SMCO3: variants seen among roughly 807,000 people sequenced by gnomAD.
SMCO3 encodes the protein single-pass membrane protein with coiled-coil domains 3.
Under a neutral mutation model 12.0 loss-of-function variants are expected in SMCO3, and 6 were observed. That is an observed-to-expected ratio of 0.50 (90% CI 0.27 to 0.99). The LOEUF is 0.99. SMCO3 is among the 50% of genes least tolerant of loss of function. The probability of loss-of-function intolerance (pLI) is 0.11; values close to 1 mark genes in which losing one functional copy is unlikely to be tolerated. For missense variants in SMCO3, 279 were observed against 265.0 expected (o/e 1.05, Z -0.37); for synonymous variants, 96 against 96.4 (o/e 1.00, Z 0.02).
At chr12:14,807,344 T>A (rs1196650346) in intron 1 of SMCO3, among the ~76,000 whole-genome samples, 1 of 152,186 alleles carries the variant, frequency 6.6e-6, no homozygotes, top group Non-Finnish European at 1.5e-5. Flanking sequence ...AGACCCCAAT[T>A]TGAAATGCTT....
intron 1 of SMCO3, among the ~76,000 whole-genome samples, chr12:14,807,209 C>T (rs1950065372): frequency 6.6e-6 from 1 of 152,106 alleles, no homozygotes; most frequent in African/African-American, 2.4e-5. Flanking sequence ...AGAATACAAC[C>T]CTTTGATGGA....
At chr12:14,812,423 G>A (rs1173951999) in intron 1 of SMCO3, among the ~76,000 whole-genome samples, 2 of 151,830 alleles carry the variant, frequency 1.3e-5, no homozygotes, top group Non-Finnish European at 2.9e-5. Context: ...CGGCCTGGGT[G>A]ACAGAGGGAG....
In SMCO3 at chr12:14,806,631, T is replaced by C; in HGVS notation, c.50A>G (p.Glu17Gly). The C allele has an allele frequency of 6.2e-7, 1 of 1,611,482 alleles. No individual in the cohort carries two copies. Among genetic ancestry groups the C allele is most frequent in the Non-Finnish European group, 8.5e-7 (1 of 1,179,224 alleles). The change falls in exon 2 of 2, where the codon GAA becomes GGA. Residue 17 changes from glutamate (E) to glycine (G), a missense_variant. Transcript: ENST00000316048. Reference sequence around the variant, plus strand: ...AAGCTGCTGGTGAAGACGATTTACTTCTTCCCGCCTTTTTGGGTTCTCTGG... The same window carrying C: ...AAGCTGCTGGTGAAGACGATTTACTCCTTCCCGCCTTTTTGGGTTCTCTGG... ...LYPENPKRRE[E>G]VNRLHQQLLD...
At chr12:14,810,616 C>A (rs1219680770) in intron 1 of SMCO3, among the ~76,000 whole-genome samples, 1 of 152,108 alleles carries the variant, frequency 6.6e-6, no homozygotes, top group African/African-American at 2.4e-5. Context: ...TGGTATTTGA[C>A]TTGTGCAAAT....
At position 14,805,814 on chromosome 12, in the gene SMCO3, G is replaced by T; in HGVS notation, c.*189C>A. 1.5e-6 allele frequency: 1 copy of T among 651,792 alleles called. No individual in the cohort carries two copies. The highest frequency in any genetic ancestry group is 2.6e-6 in the Non-Finnish European group (1 of 390,750). 40.4% of individuals were successfully genotyped at this position (651,792 alleles called of 1,614,324 possible). A position where few individuals can be genotyped will look rare whatever the true frequency, so the allele number is the denominator to read the frequency against. On this transcript the variant is annotated 3_prime_UTR_variant, in exon 2 of 2. Transcript: ENST00000316048. ...TACCTCACAGGGTCTAGCATCAGCTGATCCAGGCATTGTTGACTCAAAACT... is the reference window on the plus strand; with the variant it reads ...TACCTCACAGGGTCTAGCATCAGCTTATCCAGGCATTGTTGACTCAAAACT...
Position 14,806,466 on chromosome 12 carries a change from G to A in SMCO3, c.215C>T (p.Ala72Val). The A allele has an allele frequency of 6.2e-7, 1 of 1,614,046 alleles. No homozygotes were observed. The part of the protein sequence containing the change: ...IKENCDLIIQ[A>V]IMKIQKELQK... ...CAATTCCTTTTGGATTTTCATAATG[G>A]CTTGGATGATGAGGTCACAGTTTTC... The change falls in exon 2 of 2, where the codon GCC (alanine) becomes GTC (valine). Residue 72 changes from alanine (A) to valine (V), a missense_variant. By Grantham distance (64) the Ala-to-Val change is moderately conservative (BLOSUM62 0). Transcript: ENST00000316048.
chr12:14,807,469 A>G (rs116976116), intron 1 of SMCO3, among the ~76,000 whole-genome samples: 2,627 of 152,252 alleles, frequency 0.017, 30 homozygotes, highest in Non-Finnish European at 0.025. Flanking sequence ...GGGCCAGATA[A>G]ATATTAACAT....
chr12:14,806,349 G>C lies in SMCO3; in HGVS notation c.332C>G (p.Ala111Gly). 1 of 1,614,210 alleles carries C rather than the reference G, an allele frequency of 6.2e-7. No individual in the cohort carries two copies. Among genetic ancestry groups the C allele is most frequent in the Non-Finnish European group, 8.5e-7 (1 of 1,180,036 alleles). ...DIKEKETDKIAIVQKVISVIL... is the reference protein window; with the variant it reads ...DIKEKETDKIGIVQKVISVIL... ...GACCGAAATAACCTTTTGCACTATTGCAATTTTGTCTGTTTCCTTTTCCTT... is the reference window on the plus strand; with the variant it reads ...GACCGAAATAACCTTTTGCACTATTCCAATTTTGTCTGTTTCCTTTTCCTT... The change falls in exon 2 of 2, where the codon GCA becomes GGA. Residue 111 changes from alanine to glycine, a missense_variant. Physicochemically the swap from Ala to Gly is moderately conservative, Grantham distance 60. Coordinates refer to ENST00000316048, the MANE Select transcript of SMCO3 (RefSeq NM_001013698.2).
rs1222030375 is a variant in SMCO3, at chr12:14,806,068, CTGATT to C, written c.608_612del (p.Lys203SerfsTer6). 6.2e-7 allele frequency: 1 copy of C among 1,614,118 alleles called. No individual in the cohort carries two copies. The highest frequency in any genetic ancestry group is 2.2e-5 in the East Asian group (1 of 44,880). ...ATGGCATGATTATATTTTTCTGAGG[CTGATT>C]TGAACTCCACCAGATGCTTCTCATA... On this transcript the variant is annotated frameshift_variant, in exon 2 of 2. Transcript: ENST00000316048. LOFTEE classifies it high-confidence loss of function.
chr12:14,811,570 C>T (rs1381258794), intron 1 of SMCO3, among the ~76,000 whole-genome samples: 1 of 152,312 alleles, frequency 6.6e-6, no homozygotes, highest in South Asian at 2.1e-4. Flanking sequence ...ATGCTTACTG[C>T]ACCTAACCTT....
In SMCO3 at chr12:14,806,288, G is replaced by A. The variant is rs1229811145; in HGVS notation, c.393C>T (p.Val131=). The A allele has an allele frequency of 3.1e-6, 5 of 1,614,052 alleles. No individual in the cohort carries two copies. Among genetic ancestry groups the A allele is most frequent in the African/African-American group, 2.7e-5 (2 of 74,908 alleles). Residue 131 remains valine (V), a synonymous_variant, in exon 2 of 2, where the codon GTC becomes GTT. Coordinates refer to ENST00000316048, the MANE Select transcript of SMCO3 (RefSeq NM_001013698.2). The part of the protein sequence containing the change: ...LGEATSAASA[V]AVKLVGSNVT... ...CATTTGAGCCCACAAGTTTAACAGC[G>A]ACTGCACTGGCTGCAGATGTAGCTT...
At chr12:14,808,246 C>T (rs1950083206) in intron 1 of SMCO3, among the ~76,000 whole-genome samples, 1 of 151,990 alleles carries the variant, frequency 6.6e-6, no homozygotes, top group African/African-American at 2.4e-5. Context: ...GTCCTTTTGG[C>T]CTACAGTACC....
chr12:14,806,598 C>T lies in SMCO3; in HGVS notation c.83G>A (p.Cys28Tyr), dbSNP rs1238144240. The T allele has an allele frequency of 9.3e-6, 15 of 1,614,030 alleles. No homozygotes were observed. The Admixed American group carries it at 1.2e-4, about 13-fold the overall frequency. The change falls in exon 2 of 2, where the codon TGC (cysteine) becomes TAC (tyrosine). Residue 28 changes from cysteine to tyrosine, a missense_variant. Coordinates refer to ENST00000316048, the MANE Select transcript of SMCO3 (RefSeq NM_001013698.2). ...VNRLHQQLLD[C>Y]LSDSFDVTNK... ...GGTGACATCGAAGCTGTCAGATAAG[C>T]AATCAAGAAGCTGCTGGTGAAGACG...
At chr12:14,811,019 T>G (rs2137264071) in intron 1 of SMCO3, among the ~76,000 whole-genome samples, 1 of 152,320 alleles carries the variant, frequency 6.6e-6, no homozygotes. Context: ...CCATTTTCAT[T>G]GATGACCTGT....
Position 14,806,475 on chromosome 12 carries a change from A to G in SMCO3, c.206T>C (p.Ile69Thr), listed in dbSNP as rs375028145. Residue 69 changes from isoleucine (I) to threonine (T), a missense_variant, in exon 2 of 2, where the codon ATC becomes ACC. Ile to Thr is a moderately conservative substitution (Grantham distance 89, BLOSUM62 -1). Coordinates refer to ENST00000316048, the MANE Select transcript of SMCO3 (RefSeq NM_001013698.2). The stretch of plus-strand genomic sequence containing the variant: ...TTGGATTTTCATAATGGCTTGGATG[A>G]TGAGGTCACAGTTTTCTTTGATGGT... ...DGTIKENCDL[I>T]IQAIMKIQKE... is the part of the protein sequence containing the mutation. 1.9e-5 allele frequency: 30 copies of G among 1,613,988 alleles called. 1 individual carries two copies. In the South Asian group the frequency reaches 2.6e-4, roughly 14 times the overall value.
At chr12:14,808,886 G>C (rs1950095032) in intron 1 of SMCO3, among the ~76,000 whole-genome samples, 1 of 152,152 alleles carries the variant, frequency 6.6e-6, no homozygotes, top group Admixed American at 6.5e-5. Flanking sequence ...ATTGCTTGTT[G>C]ATGATCCAGT....
rs963632172 is a variant in SMCO3 at position 14,804,976 on chromosome 12, G to T, written c.*1027C>A. The T allele has an allele frequency of 5.9e-5, 9 of 152,168 alleles. No homozygotes were observed. The highest frequency in any genetic ancestry group is 1.2e-4 in the Non-Finnish European group (8 of 68,038). The allele number at this position is 152,168 out of a possible 1,614,324, so 9.4% of individuals were successfully genotyped here. On this transcript the variant is annotated 3_prime_UTR_variant, in exon 2 of 2. Coordinates refer to ENST00000316048, the MANE Select transcript of SMCO3 (RefSeq NM_001013698.2). Reference sequence around the variant, plus strand: ...GAGTCCTCATGGGAATTATTGGTTGGCAAAGGATTTAGAAAACAAACACAT... The same window carrying T: ...GAGTCCTCATGGGAATTATTGGTTGTCAAAGGATTTAGAAAACAAACACAT...
Position 14,806,446 on chromosome 12 carries a change from C to T in SMCO3, c.235G>A (p.Glu79Lys), listed in dbSNP as rs1428244445. The change falls in exon 2 of 2, where the codon GAA (glutamate) becomes AAA (lysine). Residue 79 changes from glutamate (E) to lysine (K), a missense_variant. Transcript: ENST00000316048. ...IIQAIMKIQK[E>K]LQKVDEALKD... is the part of the protein sequence containing the mutation. The stretch of plus-strand genomic sequence containing the variant: ...AGTGCTTCATCAACCTTCTGCAATT[C>T]CTTTTGGATTTTCATAATGGCTTGG... 4 of 1,613,998 alleles carry T rather than the reference C, an allele frequency of 2.5e-6. No homozygotes were observed. In the South Asian group the frequency reaches 3.3e-5, roughly 13 times the overall value.
intron 1 of SMCO3, among the ~76,000 whole-genome samples, chr12:14,809,439 G>T (rs1000222940): frequency 7.9e-5 from 12 of 151,932 alleles, no homozygotes; most frequent in African/African-American, 2.9e-4. Flanking sequence ...TAAACAGTAT[G>T]GTACAGGTAC....
Sources: gnomAD v4.1 joint callset for allele counts (sites outside exome capture counted in the v4.1 genomes callset) on GRCh38, gnomAD v4.1.1 for gene constraint, MANE v1.5 for transcripts, NCBI Gene and HGNC (gene_info 2026-07-23, HGNC 2026-07-21) for gene names.